Variants in IFT172 observed in about 807,000 individuals in gnomAD.
The protein encoded by IFT172 is intraflagellar transport 172.
A neutral mutation model predicts 248.9 loss-of-function variants in IFT172; 164 were observed. The observed-to-expected ratio is 0.66, with a 90% CI of 0.58 to 0.75. IFT172 has a LOEUF of 0.75. Ranked by LOEUF, IFT172 falls within the 30% of genes least tolerant of loss-of-function variation. IFT172 has a pLI of 0.00. For synonymous variants in IFT172, 729 were observed against 791.6 expected (o/e 0.92, Z 1.33); for missense variants, 1,950 against 2,192.4 (o/e 0.89, Z 2.21).
chr2:27,483,442 C>G, intron 6 of IFT172, 66 bp from the exon 7 acceptor site: 1 of 1,395,700 alleles, frequency 7.2e-7, no homozygotes, highest in Non-Finnish European at 1.0e-6. Flanking sequence ...AAGCCCCTTT[C>G]TCTGTCAAAC....
intron 3 of IFT172, 34 bp from the exon 4 acceptor site, chr2:27,484,300 A>G: frequency 6.2e-7 from 1 of 1,611,962 alleles, no homozygotes; most frequent in African/African-American, 1.3e-5. Context: ...CATATTAAAA[A>G]CCACTTCCAG....
intron 7 of IFT172, among the ~76,000 whole-genome samples, chr2:27,482,741 G>A (rs933130395): frequency 1.3e-5 from 2 of 151,730 alleles, no homozygotes; most frequent in Non-Finnish European, 2.9e-5. Flanking sequence ...ACATAAATGG[G>A]AATAATTTTC....
intron 30 of IFT172, among the ~76,000 whole-genome samples, chr2:27,456,132 A>C (rs1472130894): frequency 6.6e-6 from 1 of 152,080 alleles, no homozygotes; most frequent in African/African-American, 2.4e-5. Context: ...GAATCATTTG[A>C]ACCAGGAGGT....
rs1668571613 is a variant in IFT172 at position 27,484,009 on chromosome 2, C to A, written c.337-72G>T. The A allele has an allele frequency of 6.6e-6, 9 of 1,371,938 alleles. No individual in the cohort carries two copies. The Admixed American group carries it at 1.4e-4, about 21-fold the overall frequency. 85.0% of individuals were successfully genotyped at this position (1,371,938 alleles called of 1,614,324 possible). On this transcript the variant is annotated intron_variant, in intron 4 of 47. Transcript: ENST00000260570. The stretch of plus-strand genomic sequence containing the variant: ...CAGCACTTTTATAACAACTTCAACA[C>A]CCCACCACACACCACCACCTCAATC...
chr2:27,461,793 C>T lies in IFT172; in HGVS notation c.2159G>A (p.Arg720His), dbSNP rs202089120. Residue 720 changes from arginine (R) to histidine (H), a missense_variant, in exon 21 of 48, where the codon CGT becomes CAT. Physicochemically the swap from Arg to His is conservative, Grantham distance 29. Transcript: ENST00000260570. Reference protein sequence around the residue: ...EAMGMYQELHRWDECIAVAEA... With the variant: ...EAMGMYQELHHWDECIAVAEA... ...AGCCACAGCGATACACTCATCCCAA[C>T]GGTGTAGCTCCTGGTACATGCCCAT... 1.1e-4 allele frequency: 172 copies of T among 1,614,180 alleles called. No homozygotes were observed. Among genetic ancestry groups the T allele is most frequent in the Non-Finnish European group, 1.2e-4 (146 of 1,180,038 alleles).
At chr2:27,485,253 T>C in intron 2 of IFT172, 107 bp downstream of exon 2, 1 of 1,542,070 alleles carries the variant, frequency 6.5e-7, no homozygotes, top group African/African-American at 1.4e-5. Context: ...GAGAAAAAGG[T>C]GGGGTATGCC....
chr2:27,483,800 T>G, intron 5 of IFT172, 72 bp downstream of exon 5: 1 of 1,456,496 alleles, frequency 6.9e-7, no homozygotes, highest in Non-Finnish European at 9.6e-7. Context: ...AGAAAGAGGA[T>G]GAACCATATT....
intron 17 of IFT172, 54 bp from the exon 18 acceptor site, chr2:27,465,572 C>T (rs1202115683): frequency 2.5e-6 from 4 of 1,577,098 alleles, no homozygotes; most frequent in Admixed American, 3.3e-5. Flanking sequence ...TAGGAAGATA[C>T]AGCAGAAGAC....
In IFT172 at chr2:27,446,855, G is replaced by A. The variant is rs1193026626; in HGVS notation, c.4660-500C>T. ...GCTGGGACTACAGGCGCCCGCCACC[G>A]TGCCTGGCTAATTTTTTGTATTTTT... On this transcript the variant is annotated intron_variant, in intron 42 of 47. Coordinates refer to ENST00000260570, the MANE Select transcript of IFT172 (RefSeq NM_015662.3). 6.6e-5 allele frequency among the ~76,000 whole-genome samples: 10 copies of A among 150,968 alleles called. No individual in the cohort carries two copies. The East Asian group carries it at 1.4e-3, about 21-fold the overall frequency.
At chr2:27,466,950 T>C (rs887932942) in intron 16 of IFT172, among the ~76,000 whole-genome samples, 5 of 151,342 alleles carry the variant, frequency 3.3e-5, no homozygotes, top group African/African-American at 1.2e-4. Context: ...AGGAGTTTGC[T>C]CATGCAGTGA....
chr2:27,471,844 C>G (rs1172104114), intron 15 of IFT172: 2 of 244,392 alleles, frequency 8.2e-6, no homozygotes, highest in Admixed American at 1.0e-4. Flanking sequence ...TCGAGACCAG[C>G]CTGGCCAACA....
chr2:27,465,541 C>T (rs1429988599), intron 17 of IFT172, 23 bp from the exon 18 acceptor site: 1 of 1,608,414 alleles, frequency 6.2e-7, no homozygotes, highest in African/African-American at 1.3e-5. Flanking sequence ...GGAAGCAAAG[C>T]ATAATGAATG....
chr2:27,473,610 G>A (rs1300785857), intron 14 of IFT172, among the ~76,000 whole-genome samples: 2 of 151,276 alleles, frequency 1.3e-5, no homozygotes, highest in South Asian at 2.1e-4. Context: ...GCGCCTGGCC[G>A]ATAAAGCCAT....
rs571632405 is a variant in IFT172, at chr2:27,454,008, G to A, written c.3685C>T (p.Pro1229Ser). ...AEGLLLRAQRPGLALNYYKEA... is the reference protein window; with the variant it reads ...AEGLLLRAQRSGLALNYYKEA... Reference sequence around the variant, plus strand: ...TTATAATAATTGAGGGCCAGGCCTGGTCTCTGGGCCCGGAGCAGCAGCCCT... The same window carrying A: ...TTATAATAATTGAGGGCCAGGCCTGATCTCTGGGCCCGGAGCAGCAGCCCT... Residue 1229 changes from proline (P) to serine (S), a missense_variant, in exon 33 of 48, where the codon CCA becomes TCA. Pro to Ser is a moderately conservative substitution (Grantham distance 74). Transcript: ENST00000260570. This position sits in a 1 kb window ranked among gnomAD's most constrained non-coding sequence, Gnocchi z 4.2. 2 of 1,613,564 alleles carry A rather than the reference G, an allele frequency of 1.2e-6. No homozygotes were observed. The highest frequency in any genetic ancestry group is 2.2e-5 in the South Asian group (2 of 91,052).
At position 27,445,179 on chromosome 2, in the gene IFT172, G is replaced by C; in HGVS notation, c.5069-74C>G. 1 of 1,598,340 alleles carries C rather than the reference G, an allele frequency of 6.3e-7. No individual in the cohort carries two copies. The highest frequency in any genetic ancestry group is 1.1e-5 in the South Asian group (1 of 89,620). On this transcript the variant is annotated intron_variant, in intron 46 of 47. Transcript: ENST00000260570. The surrounding 1 kb of genome is among the most constrained non-coding windows in gnomAD (Gnocchi z 4.4). The stretch of plus-strand genomic sequence containing the variant: ...AGGGAAAAATGAGGAGCAGCCTGGG[G>C]GGTAGAAAGCACAGTCCTGTCTTTT...
chr2:27,484,063 T>C, intron 4 of IFT172, 126 bp from the exon 5 acceptor site: 1 of 1,276,024 alleles, frequency 7.8e-7, no homozygotes, highest in Non-Finnish European at 1.1e-6. Flanking sequence ...AGCAGGGCTC[T>C]AAGGAAGACA....
At chr2:27,459,016 T>C in intron 25 of IFT172, 148 bp from the exon 26 acceptor site, 6 of 763,412 alleles carry the variant, frequency 7.9e-6, no homozygotes, top group Non-Finnish European at 1.2e-5. Flanking sequence ...TATGGGTGTC[T>C]CATACATTCT....
chr2:27,453,674 AG>A lies in IFT172; in HGVS notation c.3776del (p.Ala1259ValfsTer58). 1 of 1,612,450 alleles carries A rather than the reference AG, an allele frequency of 6.2e-7. No homozygotes were observed. ...CTTCCCGCTCATATTCTTCCTGCAG[AG>A]CCTCCAGCTGGCTGGGCACATAGTC... ...CKDYVPSQLE[A>X]LQEEYEREAT... On this transcript the variant is annotated frameshift_variant, in exon 34 of 48. Coordinates refer to ENST00000260570, the MANE Select transcript of IFT172 (RefSeq NM_015662.3). LOFTEE classifies it high-confidence loss of function.
rs1348832731 is a variant in IFT172 at position 27,454,248 on chromosome 2, T to A, written c.3531-86A>T. 7.1e-5 allele frequency: 113 copies of A among 1,599,250 alleles called. No homozygotes were observed. Among genetic ancestry groups the A allele is most frequent in the Admixed American group, 1.5e-4 (9 of 59,910 alleles). On this transcript the variant is annotated intron_variant, in intron 32 of 47. Coordinates refer to ENST00000260570, the MANE Select transcript of IFT172 (RefSeq NM_015662.3). The surrounding 1 kb of genome is among the most constrained non-coding windows in gnomAD (Gnocchi z 4.2). ...GACAAACAGCCATGTCACTGAGGGG[T>A]GTAACACTGATTTGTTCTAGGTTTG...
Sources: allele counts gnomAD v4.1 joint callset (sites outside exome capture counted in the v4.1 genomes callset), GRCh38; gene constraint gnomAD v4.1.1; non-coding constraint Gnocchi (gnomAD v3.1); transcripts MANE v1.5; gene names NCBI Gene and HGNC (gene_info 2026-07-23, HGNC 2026-07-21).